Variants in SEPTIN11 observed in about 807,000 individuals in gnomAD.
The protein encoded by SEPTIN11 is septin 11.
SEPTIN11 carries 25 observed loss-of-function variants against 51.4 expected under a neutral mutation model. That is an observed-to-expected ratio of 0.49 (90% CI 0.35 to 0.68). The LOEUF (loss-of-function observed/expected upper bound fraction) is 0.68. SEPTIN11 is among the 30% of genes least tolerant of loss of function. SEPTIN11 has a pLI of 0.00. For synonymous variants in SEPTIN11, 174 were observed against 184.1 expected (o/e 0.95, Z 0.44); for missense variants, 381 against 520.8 (o/e 0.73, Z 2.61).
intron 5 of SEPTIN11, among the ~76,000 whole-genome samples, chr4:77,016,657 C>CACATATATATATATATATATATATATAT (rs1725328363): frequency 2.5e-5 from 2 of 79,218 alleles, no homozygotes; most frequent in Non-Finnish European, 2.4e-5. Context: ...TATATATATA[C>CACATATATATATATATATATATATATAT]ACATATATAT....
intron 7 of SEPTIN11, among the ~76,000 whole-genome samples, chr4:77,025,042 T>C (rs1439073274): frequency 6.6e-6 from 1 of 152,170 alleles, no homozygotes; most frequent in African/African-American, 2.4e-5. Flanking sequence ...AACTGAAGTG[T>C]CTGTGTTCGT....
At chr4:77,019,929 A>G (rs1725577771) in intron 6 of SEPTIN11, among the ~76,000 whole-genome samples, 1 of 152,252 alleles carries the variant, frequency 6.6e-6, no homozygotes, top group African/African-American at 2.4e-5. Context: ...GAGAAGAAAC[A>G]GTACCTTTGA....
At chr4:77,023,157 A>G (rs1441555620) in intron 7 of SEPTIN11, among the ~76,000 whole-genome samples, 1 of 151,720 alleles carries the variant, frequency 6.6e-6, no homozygotes, top group Admixed American at 6.6e-5. Flanking sequence ...GAGGGATATC[A>G]CCGAGGCTGC....
intron 3 of SEPTIN11, among the ~76,000 whole-genome samples, chr4:77,008,987 C>G (rs1724678197): frequency 6.6e-6 from 1 of 152,222 alleles, no homozygotes; most frequent in Non-Finnish European, 1.5e-5. Flanking sequence ...TAATTCATCT[C>G]ATCTACAGGA....
chr4:77,034,547 T>A lies in SEPTIN11; in HGVS notation c.*35T>A. 1 of 1,544,082 alleles carries A rather than the reference T, an allele frequency of 6.5e-7. No individual in the cohort carries two copies. The highest frequency in any genetic ancestry group is 8.7e-7 in the Non-Finnish European group (1 of 1,150,404). ...AGCCAAGGATGTTCCCGCATTCACC[T>A]GCTTTTGCAGTAATATCGTATCTCT... On this transcript the variant is annotated 3_prime_UTR_variant, in exon 10 of 10. Transcript: ENST00000264893.
At chr4:76,981,892 T>C (rs1217407037) in intron 1 of SEPTIN11, among the ~76,000 whole-genome samples, 4 of 152,140 alleles carry the variant, frequency 2.6e-5, no homozygotes, top group Non-Finnish European at 2.9e-5. Context: ...TGGGAAGATA[T>C]GTTTGTAAGT....
Position 77,028,769 on chromosome 4 carries a change from A to ATC in SEPTIN11, c.1086+10_1086+11dup. 6.2e-7 allele frequency: 1 copy of ATC among 1,610,238 alleles called. No homozygotes were observed. Among genetic ancestry groups the ATC allele is most frequent in the Middle Eastern group, 1.7e-4 (1 of 6,030 alleles). On this transcript the variant is annotated intron_variant, in intron 8 of 9. Transcript: ENST00000264893. ...AAGGAGGCAGAGAAAGAGGTAAGCC[A>ATC]TCTGTCCTGCTTCAAGGGAAAGATT... is the stretch of plus-strand genomic sequence containing the variant.
At position 76,992,949 on chromosome 4, in the gene SEPTIN11, G is replaced by C. The variant is rs909834861; in HGVS notation, c.28-3476G>C. ...TGGGGAGAAGTGGGAGGTTCAGTAG[G>C]AATGGAGACTTGAGGTTAGCCCATG... On this transcript the variant is annotated intron_variant, in intron 1 of 9. Coordinates refer to ENST00000264893, the MANE Select transcript of SEPTIN11 (RefSeq NM_018243.4). Among the ~76,000 whole-genome samples the C allele has an allele frequency of 3.2e-4, 49 of 152,306 alleles. 2 individuals are homozygous for C. Among genetic ancestry groups the C allele is most frequent in the Admixed American group, 2.9e-3 (45 of 15,298 alleles).
intron 1 of SEPTIN11, among the ~76,000 whole-genome samples, chr4:76,958,576 G>A (rs769165627): frequency 2.6e-5 from 4 of 152,158 alleles, no homozygotes; most frequent in South Asian, 4.1e-4. Context: ...TGTGGGGCTC[G>A]TCTTTTCCTT....
chr4:76,998,010 T>C (rs1467039756), intron 2 of SEPTIN11, among the ~76,000 whole-genome samples: 1 of 152,012 alleles, frequency 6.6e-6, no homozygotes, highest in Non-Finnish European at 1.5e-5. Context: ...GGGTATGTGG[T>C]GTGCAGTGGG....
chr4:77,016,724 G>A (rs1475241014), intron 5 of SEPTIN11, among the ~76,000 whole-genome samples: 5 of 142,788 alleles, frequency 3.5e-5, no homozygotes, highest in South Asian at 2.2e-4. Flanking sequence ...TTGGAAGGCC[G>A]AGGAGGGAGG....
chr4:76,998,125 C>G (rs1723860983), intron 2 of SEPTIN11, among the ~76,000 whole-genome samples: 2 of 151,868 alleles, frequency 1.3e-5, no homozygotes, highest in Admixed American at 1.3e-4. Context: ...GTAAAGCAGC[C>G]CTATTTGGAG....
intron 8 of SEPTIN11, among the ~76,000 whole-genome samples, chr4:77,029,765 T>TACACACAC (rs199684009): frequency 1.5e-4 from 22 of 151,094 alleles, no homozygotes; most frequent in African/African-American, 2.7e-4. Flanking sequence ...TATATATATA[T>TACACACAC]ATACACACAC....
chr4:76,971,558 T>G (rs1260434173), intron 1 of SEPTIN11, among the ~76,000 whole-genome samples: 1 of 148,590 alleles, frequency 6.7e-6, no homozygotes, highest in African/African-American at 2.6e-5. Context: ...AATTTTTAGC[T>G]TAAGATTAGA....
intron 1 of SEPTIN11, among the ~76,000 whole-genome samples, chr4:76,990,907 C>G (rs1294850700): frequency 6.6e-6 from 1 of 152,218 alleles, no homozygotes; most frequent in Non-Finnish European, 1.5e-5. Flanking sequence ...ATTCTGCAAA[C>G]AGGAATGTGA....
chr4:76,985,901 CAA>C (rs1335218689), intron 1 of SEPTIN11, among the ~76,000 whole-genome samples: 1 of 152,150 alleles, frequency 6.6e-6, no homozygotes, highest in East Asian at 1.9e-4. Context: ...AGAGAAATAT[CAA>C]AGTTAGTCAT....
rs1725992400 is a variant in SEPTIN11 at position 77,024,841 on chromosome 4, C to G, written c.954-3788C>G. ...TACCTGTGTGTCCAAGTTTCCCCATCTATAAAGTGGGAGGTGATAGTAATG... is the reference window on the plus strand; with the variant it reads ...TACCTGTGTGTCCAAGTTTCCCCATGTATAAAGTGGGAGGTGATAGTAATG... On this transcript the variant is annotated intron_variant, in intron 7 of 9. Transcript: ENST00000264893. This position sits in a 1 kb window ranked among gnomAD's most constrained non-coding sequence, Gnocchi z 4.2. Among the ~76,000 whole-genome samples, 1 of 152,156 alleles carries G rather than the reference C, an allele frequency of 6.6e-6. No homozygotes were observed. Among genetic ancestry groups the G allele is most frequent in the Non-Finnish European group, 1.5e-5 (1 of 68,020 alleles).
At chr4:77,039,238 G>A, downstream of SEPTIN11, 2 of 1,209,676 alleles carry the variant, frequency 1.7e-6, no homozygotes, top group South Asian at 1.5e-5. Context: ...TTGCACTGCT[G>A]TTTGTACTTG....
At chr4:76,956,608 C>T (rs1272723146) in intron 1 of SEPTIN11, among the ~76,000 whole-genome samples, 1 of 152,200 alleles carries the variant, frequency 6.6e-6, no homozygotes, top group East Asian at 1.9e-4. Flanking sequence ...AGCCTGGTGG[C>T]AGAGGACAAA....
Sources: gnomAD v4.1 joint callset for allele counts (sites outside exome capture counted in the v4.1 genomes callset) on GRCh38, gnomAD v4.1.1 for gene constraint, Gnocchi (gnomAD v3.1) non-coding constraint, MANE v1.5 for transcripts, NCBI Gene and HGNC (gene_info 2026-07-23, HGNC 2026-07-21) for gene names.